Variants in UBXN4 observed in about 807,000 individuals in gnomAD.
UBXN4 encodes UBX domain-containing protein 4.
In UBXN4, 35 loss-of-function variants were observed where a neutral mutation model predicts 66.2. The ratio of observed to expected loss-of-function variants is 0.53; its 90% CI spans 0.40 to 0.70. The LOEUF is 0.70. Ranked by LOEUF, UBXN4 falls within the 30% of genes least tolerant of loss-of-function variation. The probability of loss-of-function intolerance (pLI) is 0.00; values close to 1 mark genes in which losing one functional copy is unlikely to be tolerated. For synonymous variants in UBXN4, 203 were observed against 204.5 expected, an observed-to-expected ratio of 0.99 and a Z score of 0.06; for missense variants, 533 against 599.8, an observed-to-expected ratio of 0.89 and a Z score of 1.16.
chr2:135,782,772 TG>T lies in UBXN4; in HGVS notation c.1414del (p.Glu472LysfsTer16). 6.2e-7 allele frequency: 1 copy of T among 1,613,898 alleles called. No homozygotes were observed. Among genetic ancestry groups the T allele is most frequent in the Non-Finnish European group, 8.5e-7 (1 of 1,179,928 alleles). ...EKREPVRKRV[L>X]EKRGDDFKKE... ...AGGGAACCAGTGAGAAAAAGAGTGC[TG>T]GAAAAACGTGGAGACGACTTTAAAA... On this transcript the variant is annotated frameshift_variant, in exon 13 of 13. Transcript: ENST00000272638. LOFTEE classifies it high-confidence loss of function.
chr2:135,781,040 T>C (rs2077446339), intron 12 of UBXN4, among the ~76,000 whole-genome samples: 1 of 152,096 alleles, frequency 6.6e-6, no homozygotes, highest in Non-Finnish European at 1.5e-5. Flanking sequence ...GCCTGGGCAA[T>C]ATAGTGAGAC....
rs78339162 is a variant in UBXN4 at position 135,776,423 on chromosome 2, A to G, written c.1053+72A>G. ...TAAATTATAGGAAGGGAAAATTTCAAAGCAGAAGTTGAATGTGAGTGAATT... is the reference window on the plus strand; with the variant it reads ...TAAATTATAGGAAGGGAAAATTTCAGAGCAGAAGTTGAATGTGAGTGAATT... On this transcript the variant is annotated intron_variant, in intron 10 of 12. Transcript: ENST00000272638. 10,510 of 1,342,514 alleles carry G rather than the reference A, an allele frequency of 7.8e-3. 689 individuals are homozygous for G. The East Asian group carries it at 0.17, about 21-fold the overall frequency. 83.2% of individuals were successfully genotyped at this position (1,342,514 alleles called of 1,614,324 possible).
At chr2:135,782,332 G>T (rs2077455378) in intron 12 of UBXN4, among the ~76,000 whole-genome samples, 1 of 152,150 alleles carries the variant, frequency 6.6e-6, no homozygotes, top group African/African-American at 2.4e-5. Flanking sequence ...TTTTGCGAAG[G>T]ATTTAAAATT....
At chr2:135,755,295 A>G (rs951189689) in intron 4 of UBXN4, among the ~76,000 whole-genome samples, 12 of 152,254 alleles carry the variant, frequency 7.9e-5, no homozygotes, top group African/African-American at 2.4e-4. Context: ...GAAAATCAAT[A>G]GTGTGCTTTA....
intron 8 of UBXN4, among the ~76,000 whole-genome samples, chr2:135,771,156 G>T (rs75382190): frequency 5.8e-4 from 88 of 152,170 alleles, no homozygotes; most frequent in African/African-American, 2.1e-3. Flanking sequence ...TGCAACAATT[G>T]CTTTTATAAT....
chr2:135,771,262 A>G (rs867634582), intron 8 of UBXN4, among the ~76,000 whole-genome samples: 122 of 152,180 alleles, frequency 8.0e-4, no homozygotes, highest in African/African-American at 2.5e-3. Context: ...GGATCACCTC[A>G]GGTCGGGAGT....
intron 12 of UBXN4, among the ~76,000 whole-genome samples, chr2:135,780,902 CAG>C (rs1432053715): frequency 6.6e-6 from 1 of 152,208 alleles, no homozygotes; most frequent in Non-Finnish European, 1.5e-5. Context: ...AATTCTCTCT[CAG>C]AGAATTATTT....
At position 135,770,715 on chromosome 2, in the gene UBXN4, A is replaced by G. The variant is rs1352547776; in HGVS notation, c.802A>G (p.Ile268Val). The change falls in exon 8 of 13, where the codon ATA becomes GTA. Residue 268 changes from isoleucine to valine, a missense_variant. This residue lies in a region of UBXN4 where 529 missense variants were observed against 580.1 expected (regional missense o/e 0.91). Transcript: ENST00000272638. ...AGAAGATAGGGCAGCTCGAGAACGTATAAAACAGCAGATTGCATTGGTAAG... is the reference window on the plus strand; with the variant it reads ...AGAAGATAGGGCAGCTCGAGAACGTGTAAAACAGCAGATTGCATTGGTAAG... ...KAEDRAARERIKQQIALDRAE... is the reference protein window; with the variant it reads ...KAEDRAARERVKQQIALDRAE... The G allele has an allele frequency of 3.3e-6, 5 of 1,538,418 alleles. No homozygotes were observed. Among genetic ancestry groups the G allele is most frequent in the African/African-American group, 2.8e-5 (2 of 71,354 alleles).
chr2:135,761,618 A>G (rs2077316755), intron 5 of UBXN4, among the ~76,000 whole-genome samples, 200 bp from the exon 6 acceptor site: 1 of 152,160 alleles, frequency 6.6e-6, no homozygotes, highest in Non-Finnish European at 1.5e-5. Flanking sequence ...TAACTGCTTT[A>G]TTTCTATTTG....
intron 1 of UBXN4, among the ~76,000 whole-genome samples, chr2:135,744,660 G>A (rs2077196120): frequency 6.6e-6 from 1 of 152,142 alleles, no homozygotes; most frequent in Non-Finnish European, 1.5e-5. Context: ...CTGTATGAGG[G>A]TCTGCAACTC....
At chr2:135,775,093 A>G (rs907979362) in intron 9 of UBXN4, among the ~76,000 whole-genome samples, 17 of 152,216 alleles carry the variant, frequency 1.1e-4, no homozygotes, top group African/African-American at 3.9e-4. Flanking sequence ...CAGAACCACA[A>G]TGAGATACCA....
intron 5 of UBXN4, among the ~76,000 whole-genome samples, chr2:135,757,598 A>G (rs1227961819): frequency 3.3e-5 from 5 of 152,016 alleles, no homozygotes; most frequent in African/African-American, 7.2e-5. Flanking sequence ...TTGTTTGTTC[A>G]TATGTCAAAA....
chr2:135,749,299 T>G (rs1360932685), intron 2 of UBXN4, among the ~76,000 whole-genome samples: 1 of 152,228 alleles, frequency 6.6e-6, no homozygotes, highest in Admixed American at 6.5e-5. Context: ...TCTTGAATCC[T>G]ATTTTTGGGA....
At chr2:135,765,086 T>TTACA (rs1288906992) in intron 6 of UBXN4, among the ~76,000 whole-genome samples, 1 of 152,234 alleles carries the variant, frequency 6.6e-6, no homozygotes, top group Non-Finnish European at 1.5e-5. Context: ...AGTGCTGAGA[T>TTACA]TACAGGCTTG....
intron 6 of UBXN4, among the ~76,000 whole-genome samples, chr2:135,768,814 C>G (rs1017030804): frequency 6.6e-6 from 1 of 151,996 alleles, no homozygotes; most frequent in Non-Finnish European, 1.5e-5. Context: ...CCGCCTGCCT[C>G]GGCCTCCCAA....
At chr2:135,752,147 A>T (rs904760529) in intron 2 of UBXN4, among the ~76,000 whole-genome samples, 2 of 152,028 alleles carry the variant, frequency 1.3e-5, no homozygotes, top group African/African-American at 4.8e-5. Flanking sequence ...TCCTGGGTTC[A>T]TGCAGTTCTC....
intron 1 of UBXN4, among the ~76,000 whole-genome samples, chr2:135,744,908 C>A (rs1442548001): frequency 6.6e-6 from 1 of 152,186 alleles, no homozygotes. Context: ...CACTGCTGTT[C>A]AAGCAGCTGC....
chr2:135,772,345 T>G, intron 8 of UBXN4, 75 bp from the exon 9 acceptor site: 1 of 1,536,470 alleles, frequency 6.5e-7, no homozygotes, highest in Non-Finnish European at 8.8e-7. Flanking sequence ...AAAAATTCCA[T>G]GCATATTTGT....
chr2:135,780,471 T>C, intron 12 of UBXN4, 86 bp downstream of exon 12: 1 of 1,254,206 alleles, frequency 8.0e-7, no homozygotes. Flanking sequence ...ACTTTGCCTT[T>C]CTGTATATGT....
Sources: allele counts gnomAD v4.1 joint callset (sites outside exome capture counted in the v4.1 genomes callset), GRCh38; gene constraint gnomAD v4.1.1; regional missense constraint gnomAD v4.1.1; transcripts MANE v1.5; gene names NCBI Gene and HGNC (gene_info 2026-07-23, HGNC 2026-07-21).